Variants in THBS2 observed in about 807,000 individuals in gnomAD.
THBS2 encodes the protein thrombospondin-2.
A neutral mutation model predicts 135.2 loss-of-function variants in THBS2; 47 were observed. The observed-to-expected ratio is 0.35, with a 90% CI of 0.28 to 0.44. THBS2 has a LOEUF of 0.44. THBS2 is among the 20% of genes least tolerant of loss of function. The pLI, the probability that THBS2 is intolerant of heterozygous loss-of-function variation, is 1.00. For missense variants in THBS2, 1,288 were observed against 1,603.1 expected, an observed-to-expected ratio of 0.80 and a Z score of 3.36; for synonymous variants, 639 against 633.8, an observed-to-expected ratio of 1.01 and a Z score of -0.12.
chr6:169,224,719 C>T (rs1483946356), intron 17 of THBS2, among the ~76,000 whole-genome samples: 2 of 152,226 alleles, frequency 1.3e-5, no homozygotes, highest in African/African-American at 4.8e-5. Flanking sequence ...AGCAAAGCAG[C>T]TCTTCCTCTC....
At chr6:169,239,232 T>C (rs1262886628) in intron 7 of THBS2, 1 of 278,014 alleles carries the variant, frequency 3.6e-6, no homozygotes, top group African/African-American at 2.2e-5. Flanking sequence ...CAGGAGTGTG[T>C]GTACAGTGAT....
rs752814908 is a variant in THBS2, at chr6:169,240,537, T to C, written c.947A>G (p.Asn316Ser). 1.9e-6 allele frequency: 3 copies of C among 1,614,058 alleles called. No individual in the cohort carries two copies. Among genetic ancestry groups the C allele is most frequent in the Non-Finnish European group, 2.5e-6 (3 of 1,180,026 alleles). Reference protein sequence around the residue: ...ELIGGPPKTRNMSACWQDGRF... With the variant: ...ELIGGPPKTRSMSACWQDGRF... ...GCCATCCTGCCAGCAAGCTGACATG[T>C]TCCTTGTCTTAGGAGGGCCACCAAT... is the stretch of plus-strand genomic sequence containing the variant. Residue 316 changes from asparagine to serine, a missense_variant, in exon 6 of 22, where the codon AAC becomes AGC. Physicochemically the swap from Asn to Ser is conservative, Grantham distance 46. Around this residue, in one of 2 missense-constraint regions of THBS2, gnomAD observed 414 missense variants for 447.0 expected, o/e 0.93. Transcript: ENST00000617924.
At chr6:169,224,417 C>T (rs1779544749) in intron 17 of THBS2, among the ~76,000 whole-genome samples, 1 of 152,230 alleles carries the variant, frequency 6.6e-6, no homozygotes, top group East Asian at 1.9e-4. Context: ...GGGGAGAACA[C>T]AGGAGCTGCC....
At chr6:169,247,168 G>A (rs914523835) in intron 3 of THBS2, among the ~76,000 whole-genome samples, 1 of 152,206 alleles carries the variant, frequency 6.6e-6, no homozygotes, top group African/African-American at 2.4e-5. Context: ...CTCAACTGAC[G>A]ATAATTAGTG....
chr6:169,249,726 T>C (rs1780688419), intron 2 of THBS2, among the ~76,000 whole-genome samples: 1 of 152,024 alleles, frequency 6.6e-6, no homozygotes, highest in African/African-American at 2.4e-5. Context: ...CTCACGAAAA[T>C]CATAATAGTT....
chr6:169,235,493 C>T (rs1780000172), intron 9 of THBS2, among the ~76,000 whole-genome samples: 1 of 152,094 alleles, frequency 6.6e-6, no homozygotes, highest in Non-Finnish European at 1.5e-5. Flanking sequence ...TTTTTCTCAG[C>T]ACATCCATGC....
At chr6:169,230,485 A>C (rs1346243388) in intron 13 of THBS2, among the ~76,000 whole-genome samples, 1 of 152,202 alleles carries the variant, frequency 6.6e-6, no homozygotes, top group Non-Finnish European at 1.5e-5. Context: ...GTTGCTTGTC[A>C]TGGAGGACAC....
intron 14 of THBS2, among the ~76,000 whole-genome samples, chr6:169,229,127 T>A (rs181763565): frequency 2.8e-3 from 430 of 152,332 alleles, no homozygotes; most frequent in Non-Finnish European, 3.7e-3. Context: ...AAAAAAGCAG[T>A]GAGTAAAATC....
chr6:169,248,834 T>G lies in THBS2; in HGVS notation c.192A>C (p.Pro64=). ...TGCTGAGGTCATCTGCGTTCACCGG[T>G]GGGATGTAGTCAAAGCGCACGAAGC... is the stretch of plus-strand genomic sequence containing the variant. ...AYRFVRFDYI[P]PVNADDLSKI... The change falls in exon 3 of 22, where the codon CCA becomes CCC. Residue 64 remains proline, a synonymous_variant. Coordinates refer to ENST00000617924, the MANE Select transcript of THBS2 (RefSeq NM_003247.5). 1 of 1,610,718 alleles carries G rather than the reference T, an allele frequency of 6.2e-7. No individual in the cohort carries two copies. The highest frequency in any genetic ancestry group is 1.1e-5 in the South Asian group (1 of 91,052).
chr6:169,242,611 CCCACCG>C (rs1780356928), intron 4 of THBS2, among the ~76,000 whole-genome samples: 3 of 80,744 alleles, frequency 3.7e-5, no homozygotes, highest in East Asian at 8.4e-4. Flanking sequence ...TTCCCACCTT[CCCACCG>C]CTCCCACCTT....
chr6:169,217,948 A>G (rs1049917281), intron 21 of THBS2, 119 bp from the exon 22 acceptor site: 15 of 942,522 alleles, frequency 1.6e-5, no homozygotes, highest in Admixed American at 2.7e-5. Flanking sequence ...GAGATCTATC[A>G]TATGGATGGA....
chr6:169,233,200 T>C (rs1160350652), intron 10 of THBS2, among the ~76,000 whole-genome samples, 183 bp from the exon 11 acceptor site: 1 of 152,108 alleles, frequency 6.6e-6, no homozygotes, highest in Non-Finnish European at 1.5e-5. Flanking sequence ...ATTGCTCAGG[T>C]GGACACAGTG....
At chr6:169,245,150 C>T (rs376544747) in intron 4 of THBS2, among the ~76,000 whole-genome samples, 9 of 152,330 alleles carry the variant, frequency 5.9e-5, no homozygotes, top group East Asian at 3.9e-4. Context: ...ACGTGAGCTC[C>T]GCTTTGAGGC....
rs1477315329 is a variant in THBS2 at position 169,241,944 on chromosome 6, T to A, written c.709A>T (p.Ile237Phe). The A allele has an allele frequency of 1.2e-6, 2 of 1,610,086 alleles. No individual in the cohort carries two copies. The highest frequency in any genetic ancestry group is 2.7e-5 in the African/African-American group (2 of 74,900). ...CGCAGCGTCTCTGTGTTCTCACTGA[T>A]GGCGTTGATCTCAGCTGAGGGCAAG... ...QQGQGAEINA[I>F]SENTETLRLG... Residue 237 changes from isoleucine (I) to phenylalanine (F), a missense_variant, in exon 5 of 22, where the codon ATC becomes TTC. Ile to Phe is a conservative substitution (Grantham distance 21). Coordinates refer to ENST00000617924, the MANE Select transcript of THBS2 (RefSeq NM_003247.5). The surrounding 1 kb of genome is among the most constrained non-coding windows in gnomAD (Gnocchi z 5.5).
chr6:169,240,413 G>A (rs1209669497), intron 6 of THBS2, 39 bp downstream of exon 6: 1 of 1,606,262 alleles, frequency 6.2e-7, no homozygotes, highest in African/African-American at 1.3e-5. Flanking sequence ...GTGTCCGATG[G>A]TGGCCTCTTC....
chr6:169,220,113 TG>T, intron 21 of THBS2, 84 bp downstream of exon 21: 1 of 1,517,616 alleles, frequency 6.6e-7, no homozygotes, highest in Non-Finnish European at 8.9e-7. Context: ...GTACAGCTTT[TG>T]TAAGTGGAAG....
intron 16 of THBS2, among the ~76,000 whole-genome samples, chr6:169,225,605 C>T (rs1203350562): frequency 6.6e-6 from 1 of 152,256 alleles, no homozygotes; most frequent in Non-Finnish European, 1.5e-5. Context: ...CACCTCTCCA[C>T]AGTAATTCAC....
intron 7 of THBS2, among the ~76,000 whole-genome samples, 162 bp from the exon 8 acceptor site, chr6:169,237,957 C>G (rs866631857): frequency 6.6e-6 from 1 of 152,190 alleles, no homozygotes; most frequent in Non-Finnish European, 1.5e-5. Flanking sequence ...GTGGCTGGGC[C>G]GTGGCTCCGT....
rs755283017 is a variant in THBS2 at position 169,250,726 on chromosome 6, C to T, written c.52+7G>A. 2.5e-6 allele frequency: 4 copies of T among 1,613,090 alleles called. No individual in the cohort carries two copies. In the South Asian group the frequency reaches 3.3e-5, roughly 13 times the overall value. Reference sequence around the variant, plus strand: ...AGAGAGAGACCACAGGCTCTGAGGACACTCACCTTGCGTGCTGGGCCACAC... The same window carrying T: ...AGAGAGAGACCACAGGCTCTGAGGATACTCACCTTGCGTGCTGGGCCACAC... On this transcript the variant is annotated splice_region_variant and intron_variant, in intron 2 of 21. Coordinates refer to ENST00000617924, the MANE Select transcript of THBS2 (RefSeq NM_003247.5).
Sources: gnomAD v4.1 joint callset for allele counts (sites outside exome capture counted in the v4.1 genomes callset) on GRCh38, gnomAD v4.1.1 for gene constraint, gnomAD v4.1.1 regional missense constraint, Gnocchi (gnomAD v3.1) non-coding constraint, MANE v1.5 for transcripts, NCBI Gene and HGNC (gene_info 2026-07-23, HGNC 2026-07-21) for gene names.